Variants in EHD2 observed in about 807,000 individuals in gnomAD.
The protein encoded by EHD2 is EH domain containing 2, also known as EH domain-containing protein 2.
A neutral mutation model predicts 41.0 loss-of-function variants in EHD2; 27 were observed. The observed-to-expected ratio is 0.66, with a 90% CI of 0.49 to 0.91. The LOEUF (loss-of-function observed/expected upper bound fraction) is 0.91. EHD2 is among the 40% of genes least tolerant of loss of function. The pLI is 0.00. For missense variants in EHD2, 673 were observed against 773.9 expected (o/e 0.87, Z 1.55); for synonymous variants, 342 against 341.0 (o/e 1.00, Z -0.03).
rs1326431139 is a variant in EHD2 at position 47,722,569 on chromosome 19, C to T, written c.503-3243C>T. ...TGAGTAAGTCCCCTAACTTCTCTCT[C>T]TTTTTTTTTTTTTGAGACGGAGTTT... is the stretch of plus-strand genomic sequence containing the variant. On this transcript the variant is annotated intron_variant, in intron 3 of 5. Coordinates refer to ENST00000263277, the MANE Select transcript of EHD2 (RefSeq NM_014601.4). Among the ~76,000 whole-genome samples the T allele has an allele frequency of 8.2e-5, 12 of 145,536 alleles. No homozygotes were observed. The East Asian group carries it at 1.0e-3, about 12-fold the overall frequency.
chr19:47,733,750 TCAA>T (rs1395496918), intron 4 of EHD2, among the ~76,000 whole-genome samples: 1 of 9,236 alleles, frequency 1.1e-4, no homozygotes, highest in African/African-American at 2.8e-4. Flanking sequence ...AGACTCTGTC[TCAA>T]AAAAAAAAAA....
rs540326738 is a variant in EHD2 at position 47,739,865 on chromosome 19, C to T, written c.1081-1016C>T. ...TGCTCTGAGAAAGCTATACTTGATGCGAAAATATTGAAATCCTTCTCTGCT... is the reference window on the plus strand; with the variant it reads ...TGCTCTGAGAAAGCTATACTTGATGTGAAAATATTGAAATCCTTCTCTGCT... On this transcript the variant is annotated intron_variant, in intron 5 of 5. Coordinates refer to ENST00000263277, the MANE Select transcript of EHD2 (RefSeq NM_014601.4). 1.6e-4 allele frequency among the ~76,000 whole-genome samples: 25 copies of T among 151,794 alleles called. No individual in the cohort carries two copies. The South Asian group carries it at 3.3e-3, about 20-fold the overall frequency.
At chr19:47,725,213 C>T (rs1223541576) in intron 3 of EHD2, among the ~76,000 whole-genome samples, 1 of 151,324 alleles carries the variant, frequency 6.6e-6, no homozygotes. Context: ...TACATACCGA[C>T]GCACACCTGT....
At position 47,717,003 on chromosome 19, in the gene EHD2, A is replaced by G; in HGVS notation, c.391A>G (p.Thr131Ala). 1 of 1,600,026 alleles carries G rather than the reference A, an allele frequency of 6.2e-7. No homozygotes were observed. The highest frequency in any genetic ancestry group is 8.5e-7 in the Non-Finnish European group (1 of 1,179,892). ...PFRKLNPFGN[T>A]FLNRFMCAQL... Reference sequence around the variant, plus strand: ...CCGCAAACTCAACCCTTTCGGAAACACCTTCCTCAACAGGTGTGCCAGCCG... The same window carrying G: ...CCGCAAACTCAACCCTTTCGGAAACGCCTTCCTCAACAGGTGTGCCAGCCG... Residue 131 changes from threonine to alanine, a missense_variant, in exon 2 of 6, where the codon ACC becomes GCC. Thr to Ala is a moderately conservative substitution (Grantham distance 58, BLOSUM62 0). Coordinates refer to ENST00000263277, the MANE Select transcript of EHD2 (RefSeq NM_014601.4).
chr19:47,739,274 ATTTTTT>A (rs57266469), intron 5 of EHD2, among the ~76,000 whole-genome samples: 9 of 116,064 alleles, frequency 7.8e-5, no homozygotes, highest in South Asian at 3.0e-4. Flanking sequence ...CTAATTTTTA[ATTTTTT>A]TTTTTTTTTT....
chr19:47,717,090 C>T, intron 2 of EHD2, 74 bp downstream of exon 2: 2 of 1,576,040 alleles, frequency 1.3e-6, no homozygotes, highest in Non-Finnish European at 1.7e-6. Context: ...TCTTTTCGCC[C>T]AGGCTGGAGT....
Position 47,741,029 on chromosome 19 carries a change from AG to A in EHD2, c.1235del (p.Gly412AlafsTer35). 1.9e-6 allele frequency: 3 copies of A among 1,609,994 alleles called. No homozygotes were observed. On this transcript the variant is annotated frameshift_variant, in exon 6 of 6. Transcript: ENST00000263277. LOFTEE classifies it high-confidence loss of function. The surrounding 1 kb of genome is among the most constrained non-coding windows in gnomAD (Gnocchi z 4.5). ...CTGGAGAGCACCGAGGTGGGCGTGCAGGGGGGCGCTTTTGAGGGCACCCACA... is the reference window on the plus strand; with the variant it reads ...CTGGAGAGCACCGAGGTGGGCGTGCAGGGGGCGCTTTTGAGGGCACCCACA... ...EELESTEVGV[Q>X]GGAFEGTHMG...
intron 3 of EHD2, among the ~76,000 whole-genome samples, chr19:47,723,448 T>C (rs1334763222): frequency 6.6e-6 from 1 of 151,886 alleles, no homozygotes; most frequent in Non-Finnish European, 1.5e-5. Context: ...GATAATGAGG[T>C]CAAGAGATGG....
In EHD2 at chr19:47,741,276, C is replaced by T; in HGVS notation, c.1476C>T (p.Leu492=). ...CAGTGCTGGGGCGCATCTGGAAGCT[C>T]AGCGATGTGGACCGCGACGGCATGC... ...PNSVLGRIWK[L]SDVDRDGMLD... The change falls in exon 6 of 6, where the codon CTC becomes CTT. Residue 492 remains leucine (L), a synonymous_variant. Coordinates refer to ENST00000263277, the MANE Select transcript of EHD2 (RefSeq NM_014601.4). This position sits in a 1 kb window ranked among gnomAD's most constrained non-coding sequence, Gnocchi z 4.5. 6.2e-6 allele frequency: 10 copies of T among 1,614,112 alleles called. No individual in the cohort carries two copies. Among genetic ancestry groups the T allele is most frequent in the Non-Finnish European group, 8.5e-6 (10 of 1,179,986 alleles).
intron 3 of EHD2, among the ~76,000 whole-genome samples, chr19:47,724,803 C>G (rs1973732069): frequency 6.6e-6 from 1 of 151,526 alleles, no homozygotes; most frequent in Non-Finnish European, 1.5e-5. Context: ...ATGGTGAAAC[C>G]CCGTCTCTAC....
chr19:47,733,896 G>C (rs1966895746), intron 4 of EHD2, among the ~76,000 whole-genome samples: 1 of 152,066 alleles, frequency 6.6e-6, no homozygotes, highest in Non-Finnish European at 1.5e-5. Flanking sequence ...GGACCCCTGG[G>C]TTTCCCTGGA....
rs775581389 is a variant in EHD2 at position 47,740,884 on chromosome 19, C to T, written c.1084C>T (p.Leu362=). 1.5e-5 allele frequency: 24 copies of T among 1,612,768 alleles called. No homozygotes were observed. Among genetic ancestry groups the T allele is most frequent in the Non-Finnish European group, 2.0e-5 (24 of 1,179,850 alleles). Residue 362 remains leucine (L), a synonymous_variant, in exon 6 of 6, where the codon CTG becomes TTG. Coordinates refer to ENST00000263277, the MANE Select transcript of EHD2 (RefSeq NM_014601.4). The stretch of plus-strand genomic sequence containing the variant: ...GTGCCCCTGTCCCCCACCACAGGAG[C>T]TGCTGATGGCGCACGACTTCACCAA... ...DFPDCQKMQE[L]LMAHDFTKFH... is the part of the protein sequence containing the mutation.
At chr19:47,720,645 C>T (rs2123639193) in intron 3 of EHD2, among the ~76,000 whole-genome samples, 1 of 152,128 alleles carries the variant, frequency 6.6e-6, no homozygotes, top group Middle Eastern at 3.4e-3. Context: ...TAGTGTGTAT[C>T]ATTGTAGGTG....
chr19:47,734,067 G>A (rs1966897277), intron 4 of EHD2, among the ~76,000 whole-genome samples: 2 of 152,214 alleles, frequency 1.3e-5, no homozygotes. Flanking sequence ...GGGTTATTGG[G>A]GCAGGATGGG....
Position 47,742,272 on chromosome 19 carries a change from C to G in EHD2, c.*840C>G. On this transcript the variant is annotated 3_prime_UTR_variant, in exon 6 of 6. Transcript: ENST00000263277. The stretch of plus-strand genomic sequence containing the variant: ...TGTCCACACCCCTTCCCTTTCCTGT[C>G]CTGTCCTTTCTTTCTTTTTTGATAG... 4.0e-6 allele frequency: 1 copy of G among 251,410 alleles called. No homozygotes were observed. Among genetic ancestry groups the G allele is most frequent in the South Asian group, 3.1e-5 (1 of 32,280 alleles). 15.6% of individuals were successfully genotyped at this position (251,410 alleles called of 1,614,324 possible).
chr19:47,737,718 G>C (rs1966940128), intron 5 of EHD2, among the ~76,000 whole-genome samples: 1 of 151,638 alleles, frequency 6.6e-6, no homozygotes, highest in Non-Finnish European at 1.5e-5. Context: ...ATTTTTTAGA[G>C]ATTTATTTAT....
chr19:47,742,067 CT>C lies in EHD2; in HGVS notation c.*636del, dbSNP rs536437976. ...ACCTACTGCTTCCTCAGATGGGCCC[CT>C]CCGCAGCCCCTTCCCTTGCTCGGGG... On this transcript the variant is annotated 3_prime_UTR_variant, in exon 6 of 6. Coordinates refer to ENST00000263277, the MANE Select transcript of EHD2 (RefSeq NM_014601.4). 24 of 389,244 alleles carry C rather than the reference CT, an allele frequency of 6.2e-5. No homozygotes were observed. Among genetic ancestry groups the C allele is most frequent in the South Asian group, 4.1e-4 (22 of 53,458 alleles). The allele number at this position is 389,244 out of a possible 1,614,324, so 24.1% of individuals were successfully genotyped here. A position where few individuals can be genotyped will look rare whatever the true frequency, so the allele number is the denominator to read the frequency against.
intron 4 of EHD2, among the ~76,000 whole-genome samples, chr19:47,730,301 G>A (rs1379738081): frequency 1.3e-5 from 2 of 152,002 alleles, no homozygotes; most frequent in South Asian, 2.1e-4. Flanking sequence ...GGCTCCATTG[G>A]CCCGCTCTCA....
intron 4 of EHD2, among the ~76,000 whole-genome samples, chr19:47,734,033 T>C (rs1482492217): frequency 6.6e-6 from 1 of 152,174 alleles, no homozygotes; most frequent in Non-Finnish European, 1.5e-5. Flanking sequence ...AAATGCCCTC[T>C]TGGGCCACTG....
Sources: gnomAD v4.1 joint callset for allele counts (sites outside exome capture counted in the v4.1 genomes callset) on GRCh38, gnomAD v4.1.1 for gene constraint, Gnocchi (gnomAD v3.1) non-coding constraint, MANE v1.5 for transcripts, NCBI Gene and HGNC (gene_info 2026-07-23, HGNC 2026-07-21) for gene names.